The following KIRREL3 variants were observed in gnomAD, a reference collection of about 807,000 sequenced individuals.
The protein encoded by KIRREL3 is kirre like nephrin family adhesion molecule 3, also known as kin of IRRE-like protein 3.
KIRREL3 carries 36 observed loss-of-function variants against 89.7 expected under a neutral mutation model. That is an observed-to-expected ratio of 0.40 (90% CI 0.31 to 0.53). The LOEUF (loss-of-function observed/expected upper bound fraction) is 0.53. Among genes scored for constraint, KIRREL3 ranks in the 20% least tolerant of loss-of-function variants. The pLI is 0.49. For missense variants in KIRREL3, 864 were observed against 1,056.6 expected (o/e 0.82, Z 2.53); for synonymous variants, 445 against 441.4 (o/e 1.01, Z -0.10).
At chr11:126,945,098 C>T (rs1948579630) in intron 1 of KIRREL3, 1 of 152,218 alleles carries the variant, frequency 6.6e-6, no homozygotes. Context: ...CTCTATCTGC[C>T]TCGAGTTCTC....
At chr11:126,616,306 C>T (rs1401363135) in intron 1 of KIRREL3, among the ~76,000 whole-genome samples, 1 of 152,054 alleles carries the variant, frequency 6.6e-6, no homozygotes, top group Non-Finnish European at 1.5e-5. Flanking sequence ...GAAACAAGTT[C>T]GTGGGAATGG....
chr11:126,646,142 A>G (rs1944658563), intron 1 of KIRREL3, among the ~76,000 whole-genome samples: 1 of 152,016 alleles, frequency 6.6e-6, no homozygotes, highest in Admixed American at 6.6e-5. Flanking sequence ...CAGCATTAGC[A>G]TCTGCAGGTT....
intron 1 of KIRREL3, among the ~76,000 whole-genome samples, chr11:126,589,726 C>A (rs970372279): frequency 2.6e-5 from 4 of 152,172 alleles, no homozygotes; most frequent in Non-Finnish European, 5.9e-5. Context: ...TGAGTGCAGC[C>A]CCTTACCTCT....
At chr11:126,815,924 G>A (rs1951558415) in intron 1 of KIRREL3, among the ~76,000 whole-genome samples, 1 of 152,242 alleles carries the variant, frequency 6.6e-6, no homozygotes, top group Admixed American at 6.5e-5. Context: ...AAAACCACAC[G>A]ACGACAGTTT....
chr11:126,738,535 AT>A (rs556526698), intron 1 of KIRREL3, among the ~76,000 whole-genome samples: 12 of 151,860 alleles, frequency 7.9e-5, no homozygotes, highest in Admixed American at 6.6e-5. Flanking sequence ...TGAGTTTCCT[AT>A]TTTTTTTCCC....
At chr11:126,632,315 A>ATGTCTTGCTTC (rs1326714791) in intron 1 of KIRREL3, among the ~76,000 whole-genome samples, 20 of 152,330 alleles carry the variant, frequency 1.3e-4, no homozygotes, top group Non-Finnish European at 2.6e-4. Context: ...CCCTGGGGTG[A>ATGTCTTGCTTC]GAAATTTGTG....
At position 126,649,139 on chromosome 11, in the gene KIRREL3, AG is replaced by A. The variant is rs372961157; in HGVS notation, c.56-86228del. 2.2e-3 allele frequency among the ~76,000 whole-genome samples: 342 copies of A among 152,306 alleles called. 3 individuals are homozygous for A. Among genetic ancestry groups the A allele is most frequent in the African/African-American group, 7.7e-3 (322 of 41,552 alleles). On this transcript the variant is annotated intron_variant, in intron 1 of 16. Coordinates refer to ENST00000525144, the MANE Select transcript of KIRREL3 (RefSeq NM_032531.4). ...CATATTCACTACCCCTAGAACAGTAAGGGGGAAACCACCCTCATGATTAAAA... is the reference window on the plus strand; with the variant it reads ...CATATTCACTACCCCTAGAACAGTAAGGGGAAACCACCCTCATGATTAAAA...
intron 1 of KIRREL3, among the ~76,000 whole-genome samples, chr11:126,939,547 C>T (rs528868278): frequency 7.4e-4 from 113 of 152,218 alleles, no homozygotes; most frequent in African/African-American, 2.3e-3. Flanking sequence ...CCTTAAGTGG[C>T]GTTTCCAGGA....
chr11:126,827,160 G>A (rs553035105), intron 1 of KIRREL3, among the ~76,000 whole-genome samples: 62 of 148,950 alleles, frequency 4.2e-4, no homozygotes, highest in Non-Finnish European at 6.6e-4. Flanking sequence ...GAATCAATAT[G>A]GAAGTCTTCC....
chr11:126,470,621 A>C, intron 5 of KIRREL3, among the ~76,000 whole-genome samples: 1 of 152,164 alleles, frequency 6.6e-6, no homozygotes, highest in East Asian at 1.9e-4. Context: ...ACTGGTGGGT[A>C]GGGGGAACCA....
Position 126,664,407 on chromosome 11 carries a change from G to A in KIRREL3, c.56-101495C>T, listed in dbSNP as rs752255771. Among the ~76,000 whole-genome samples the A allele has an allele frequency of 6.6e-5, 10 of 152,178 alleles. No homozygotes were observed. Among genetic ancestry groups the A allele is most frequent in the East Asian group, 1.9e-4 (1 of 5,162 alleles). ...AGAGTGAAGTCTAGTGAGACCACAC[G>A]GACATGGACTTTCCAGTGTTGAGAA... On this transcript the variant is annotated intron_variant, in intron 1 of 16. Coordinates refer to ENST00000525144, the MANE Select transcript of KIRREL3 (RefSeq NM_032531.4). This position sits in a 1 kb window ranked among gnomAD's most constrained non-coding sequence, Gnocchi z 5.4.
In KIRREL3 at chr11:126,508,960, G is replaced by A. The variant is rs949042820; in HGVS notation, c.433+12355C>T. 2.0e-5 allele frequency among the ~76,000 whole-genome samples: 3 copies of A among 152,098 alleles called. No homozygotes were observed. Among genetic ancestry groups the A allele is most frequent in the African/African-American group, 7.2e-5 (3 of 41,394 alleles). Reference sequence around the variant, plus strand: ...CAAGCTGCCCTTTCTGTGCATAGAAGGTGTGGCTGAACTTAGATCTCCTCA... The same window carrying A: ...CAAGCTGCCCTTTCTGTGCATAGAAAGTGTGGCTGAACTTAGATCTCCTCA... On this transcript the variant is annotated intron_variant, in intron 4 of 16. Coordinates refer to ENST00000525144, the MANE Select transcript of KIRREL3 (RefSeq NM_032531.4). This position sits in a 1 kb window ranked among gnomAD's most constrained non-coding sequence, Gnocchi z 4.9.
chr11:126,671,489 G>A (rs909908857), intron 1 of KIRREL3, among the ~76,000 whole-genome samples: 2 of 151,956 alleles, frequency 1.3e-5, no homozygotes, highest in African/African-American at 4.8e-5. Flanking sequence ...ATGTGAAAAA[G>A]ACAAGTCATT....
At position 126,508,550 on chromosome 11, in the gene KIRREL3, A is replaced by G. The variant is rs1958100599; in HGVS notation, c.433+12765T>C. 6.6e-6 allele frequency among the ~76,000 whole-genome samples: 1 copy of G among 152,134 alleles called. No individual in the cohort carries two copies. Among genetic ancestry groups the G allele is most frequent in the Non-Finnish European group, 1.5e-5 (1 of 68,004 alleles). On this transcript the variant is annotated intron_variant, in intron 4 of 16. Transcript: ENST00000525144. This position sits in a 1 kb window ranked among gnomAD's most constrained non-coding sequence, Gnocchi z 4.9. Reference sequence around the variant, plus strand: ...GAGCCCTGGGATGGTGGAAGGGTTCAAGCAGGGCTCCTGGAGTTCCCAGGG... The same window carrying G: ...GAGCCCTGGGATGGTGGAAGGGTTCGAGCAGGGCTCCTGGAGTTCCCAGGG...
chr11:126,954,668 C>T lies in KIRREL3; in HGVS notation c.55+45787G>A, dbSNP rs1028434269. Among the ~76,000 whole-genome samples, 2 of 152,066 alleles carry T rather than the reference C, an allele frequency of 1.3e-5. No individual in the cohort carries two copies. The highest frequency in any genetic ancestry group is 2.9e-5 in the Non-Finnish European group (2 of 68,022). ...CACTATATTTCAACCTAGGAAGCAC[C>T]CTTAGAGGTCATCTAGTAGAATATC... On this transcript the variant is annotated intron_variant, in intron 1 of 16. Transcript: ENST00000525144. This position sits in a 1 kb window ranked among gnomAD's most constrained non-coding sequence, Gnocchi z 4.1.
chr11:126,562,442 T>C lies in KIRREL3; in HGVS notation c.133+393A>G, dbSNP rs1341159549. Among the ~76,000 whole-genome samples the C allele has an allele frequency of 3.9e-5, 6 of 152,170 alleles. No homozygotes were observed. The highest frequency in any genetic ancestry group is 1.4e-4 in the African/African-American group (6 of 41,432). ...TAAGTGCCTGTATAGTGCTGTTTAT[T>C]CAACAGGCATTCAAGAAACATGAGT... On this transcript the variant is annotated intron_variant, in intron 2 of 16. Transcript: ENST00000525144. This position sits in a 1 kb window ranked among gnomAD's most constrained non-coding sequence, Gnocchi z 4.7.
intron 1 of KIRREL3, among the ~76,000 whole-genome samples, chr11:126,675,481 A>C (rs1241642785): frequency 6.6e-6 from 1 of 152,224 alleles, no homozygotes; most frequent in Non-Finnish European, 1.5e-5. Context: ...GGAGTTAGGT[A>C]GTAGGGAGTG....
At chr11:126,920,373 C>T (rs1947221923) in intron 1 of KIRREL3, 1 of 152,206 alleles carries the variant, frequency 6.6e-6, no homozygotes, top group African/African-American at 2.4e-5. Context: ...ATCATTGAAC[C>T]GATGAACGAA....
intron 1 of KIRREL3, among the ~76,000 whole-genome samples, chr11:126,992,963 T>C (rs1441768969): frequency 6.6e-6 from 1 of 152,190 alleles, no homozygotes; most frequent in Non-Finnish European, 1.5e-5. Context: ...CTACCCACCA[T>C]CCTTCTGTGC....
Sources: gnomAD v4.1 joint callset for allele counts (sites outside exome capture counted in the v4.1 genomes callset) on GRCh38, gnomAD v4.1.1 for gene constraint, Gnocchi (gnomAD v3.1) non-coding constraint, MANE v1.5 for transcripts, NCBI Gene and HGNC (gene_info 2026-07-23, HGNC 2026-07-21) for gene names.